Variants in NCOR2 observed in about 807,000 individuals in gnomAD.
NCOR2 encodes the protein nuclear receptor corepressor 2, also known as CTG repeat protein 26.
NCOR2 carries 81 observed loss-of-function variants against 262.9 expected under a neutral mutation model. The observed-to-expected ratio is 0.31, with a 90% CI of 0.26 to 0.37. The LOEUF is 0.37. Ranked by LOEUF, NCOR2 falls within the 10% of genes least tolerant of loss-of-function variation. The pLI is 1.00. For missense variants in NCOR2, 3,385 were observed against 3,621.4 expected, an observed-to-expected ratio of 0.93 and a Z score of 1.68; for synonymous variants, 1,659 against 1,559.3, an observed-to-expected ratio of 1.06 and a Z score of -1.51.
chr12:124,546,037 T>A (rs907331005), intron 1 of NCOR2, among the ~76,000 whole-genome samples: 4 of 152,230 alleles, frequency 2.6e-5, no homozygotes, highest in Non-Finnish European at 1.5e-5. Flanking sequence ...AGGCTGTTTC[T>A]GCTCCCTGCA....
At chr12:124,334,332 T>G (rs2035683127) in intron 41 of NCOR2, 92 bp downstream of exon 43, 2 of 941,116 alleles carry the variant, frequency 2.1e-6, no homozygotes, top group Non-Finnish European at 3.1e-6. Flanking sequence ...GGGCCTCATA[T>G]GCAGCTGAGC....
At chr12:124,554,247 C>A (rs2051811508) in intron 1 of NCOR2, among the ~76,000 whole-genome samples, 1 of 152,212 alleles carries the variant, frequency 6.6e-6, no homozygotes, top group South Asian at 2.1e-4. Context: ...TTCACAGGTC[C>A]CAGAGACGCT....
chr12:124,403,704 G>A (rs1039547235), intron 13 of NCOR2, among the ~76,000 whole-genome samples: 8 of 152,232 alleles, frequency 5.3e-5, no homozygotes, highest in African/African-American at 1.7e-4. Flanking sequence ...GGATCGGGGA[G>A]GTGAGAGAGA....
intron 1 of NCOR2, among the ~76,000 whole-genome samples, chr12:124,556,625 C>T (rs1446574503): frequency 6.6e-6 from 1 of 152,110 alleles, no homozygotes; most frequent in Non-Finnish European, 1.5e-5. Context: ...TTTGGGAGGC[C>T]GAGGCAGGTG....
intron 19 of NCOR2, among the ~76,000 whole-genome samples, chr12:124,372,999 A>G (rs977210769): frequency 6.6e-6 from 1 of 152,136 alleles, no homozygotes; most frequent in Admixed American, 6.5e-5. Flanking sequence ...TCTGCCCCGC[A>G]CTGGCTGCGT....
chr12:124,486,321 G>A (rs1248488037), intron 2 of NCOR2, 120 bp downstream of exon 4: 41 of 1,458,898 alleles, frequency 2.8e-5, no homozygotes, highest in Non-Finnish European at 3.7e-5. Context: ...TGAACACACG[G>A]CCCGACATCC....
intron 2 of NCOR2, among the ~76,000 whole-genome samples, chr12:124,486,212 A>G (rs2047758519): frequency 6.6e-6 from 1 of 152,202 alleles, no homozygotes; most frequent in Non-Finnish European, 1.5e-5. Context: ...CTAAACCCAC[A>G]GAGGCCACTG....
chr12:124,442,338 G>A (rs903210291), intron 7 of NCOR2, among the ~76,000 whole-genome samples: 3 of 152,104 alleles, frequency 2.0e-5, no homozygotes, highest in African/African-American at 7.2e-5. Context: ...ATGAGGTCTT[G>A]CTTTGTTGCC....
At chr12:124,525,992 T>G (rs1566025925) in intron 1 of NCOR2, among the ~76,000 whole-genome samples, 1 of 152,178 alleles carries the variant, frequency 6.6e-6, no homozygotes, top group Non-Finnish European at 1.5e-5. Flanking sequence ...TACTGGCAAC[T>G]CACACACAGC....
chr12:124,437,442 A>G (rs2044410811), intron 8 of NCOR2, among the ~76,000 whole-genome samples: 1 of 152,194 alleles, frequency 6.6e-6, no homozygotes, highest in African/African-American at 2.4e-5. Context: ...CTGGCCACAA[A>G]TGCAGGCTCA....
intron 3 of NCOR2, among the ~76,000 whole-genome samples, chr12:124,477,539 G>C (rs1050033590): frequency 6.6e-6 from 1 of 152,214 alleles, no homozygotes; most frequent in Non-Finnish European, 1.5e-5. Flanking sequence ...GAATGATCTA[G>C]AACTAGACAG....
In NCOR2 at chr12:124,363,588, G is replaced by A. The variant is rs190223912; in HGVS notation, c.2928+91C>T. 51 of 1,161,640 alleles carry A rather than the reference G, an allele frequency of 4.4e-5. No homozygotes were observed. In the East Asian group the frequency reaches 1.1e-3, roughly 25 times the overall value. 72.0% of individuals were successfully genotyped at this position (1,161,640 alleles called of 1,614,324 possible). ...GAAGCGGATGAGCTAGGCTGCAGGT[G>A]CATGCTCCCGCCCGTGGGATTCTCT... On this transcript the variant is annotated intron_variant, in intron 21 of 46. Coordinates refer to ENST00000405201, the Ensembl canonical transcript of NCOR2.
At chr12:124,422,403 A>G in intron 12 of NCOR2, 98 bp downstream of exon 14, 1 of 1,428,556 alleles carries the variant, frequency 7.0e-7, no homozygotes, top group Non-Finnish European at 9.8e-7. Context: ...CAGGCAGGCC[A>G]GGGCCTTGTG....
At chr12:124,520,617 T>C (rs936046920) in intron 1 of NCOR2, among the ~76,000 whole-genome samples, 3 of 152,138 alleles carry the variant, frequency 2.0e-5, no homozygotes, top group Non-Finnish European at 4.4e-5. Flanking sequence ...AAATTGTTTG[T>C]TGAGTGACTT....
At chr12:124,463,504 G>C (rs376205940) in intron 5 of NCOR2, among the ~76,000 whole-genome samples, 1 of 152,218 alleles carries the variant, frequency 6.6e-6, no homozygotes, top group African/African-American at 2.4e-5. Context: ...CCAGGAGGCG[G>C]GGAGGCGGGA....
intron 1 of NCOR2, chr12:124,518,239 C>T (rs140949432): frequency 1.8e-4 from 27 of 152,758 alleles, no homozygotes; most frequent in Middle Eastern, 6.8e-3. Context: ...TGCCAGCCAG[C>T]GGGCCAGCAG....
chr12:124,531,723 G>C lies in NCOR2; in HGVS notation c.-118+3842C>G. Among the ~76,000 whole-genome samples the C allele has an allele frequency of 6.6e-6, 1 of 151,744 alleles. No individual in the cohort carries two copies. Among genetic ancestry groups the C allele is most frequent in the Non-Finnish European group, 1.5e-5 (1 of 67,888 alleles). On this transcript the variant is annotated intron_variant, in intron 1 of 46. Coordinates refer to the NCOR2 transcript ENST00000404621. This position sits in a 1 kb window ranked among gnomAD's most constrained non-coding sequence, Gnocchi z 4.5. The stretch of plus-strand genomic sequence containing the variant: ...ACTGGGGTTAAAGCCGGTCCTCCCA[G>C]AGCCCCCGAGAGGTGAGATCCCACC...
intron 13 of NCOR2, among the ~76,000 whole-genome samples, chr12:124,402,890 G>A (rs999708734): frequency 3.3e-5 from 5 of 152,152 alleles, no homozygotes; most frequent in Non-Finnish European, 7.3e-5. Flanking sequence ...TAACCTCTCT[G>A]TGCCGACTCC....
intron 4 of NCOR2, among the ~76,000 whole-genome samples, chr12:124,469,825 C>T (rs1216489221): frequency 6.6e-6 from 1 of 152,114 alleles, no homozygotes; most frequent in Non-Finnish European, 1.5e-5. Flanking sequence ...CGCTGTACAA[C>T]CACTAGGATG....
Sources: gnomAD v4.1 joint callset for allele counts (sites outside exome capture counted in the v4.1 genomes callset) on GRCh38, gnomAD v4.1.1 for gene constraint, Gnocchi (gnomAD v3.1) non-coding constraint, MANE v1.5 for transcripts, NCBI Gene and HGNC (gene_info 2026-07-23, HGNC 2026-07-21) for gene names.